STXBP5L: variants seen among roughly 807,000 people sequenced by gnomAD.
STXBP5L encodes syntaxin-binding protein 5-like.
Under a neutral mutation model 144.5 loss-of-function variants are expected in STXBP5L, and 65 were observed. That is an observed-to-expected ratio of 0.45 (90% CI 0.37 to 0.55). The LOEUF is 0.55. Among genes scored for constraint, STXBP5L ranks in the 20% least tolerant of loss-of-function variants. STXBP5L has a pLI of 0.00. For missense variants in STXBP5L, 1,298 were observed against 1,405.5 expected, an observed-to-expected ratio of 0.92 and a Z score of 1.22; for synonymous variants, 505 against 469.6, an observed-to-expected ratio of 1.08 and a Z score of -0.97.
At chr3:121,330,504 A>G (rs1189616109) in intron 20 of STXBP5L, among the ~76,000 whole-genome samples, 1 of 152,186 alleles carries the variant, frequency 6.6e-6, no homozygotes, top group Non-Finnish European at 1.5e-5. Flanking sequence ...AACACAAAGG[A>G]CAGAAACTTT....
chr3:121,264,257 A>C (rs1398305971), intron 18 of STXBP5L, among the ~76,000 whole-genome samples: 2 of 152,216 alleles, frequency 1.3e-5, no homozygotes, highest in African/African-American at 4.8e-5. Context: ...AGACAAGCAA[A>C]TGCTGAGAGA....
intron 7 of STXBP5L, among the ~76,000 whole-genome samples, chr3:121,150,690 T>C (rs1411660575): frequency 2.6e-5 from 4 of 152,236 alleles, no homozygotes; most frequent in African/African-American, 9.6e-5. Context: ...TTTAGAAAGA[T>C]TATATTATTC....
intron 5 of STXBP5L, among the ~76,000 whole-genome samples, chr3:121,055,485 A>T (rs896840315): frequency 6.6e-5 from 10 of 152,090 alleles, no homozygotes; most frequent in African/African-American, 2.4e-4. Flanking sequence ...GTTAAGTAAT[A>T]GGCTTTCATT....
chr3:121,031,389 T>C (rs1946359225), intron 3 of STXBP5L, among the ~76,000 whole-genome samples: 1 of 114,138 alleles, frequency 8.8e-6, no homozygotes, highest in Non-Finnish European at 1.9e-5. Flanking sequence ...TATATTTCTA[T>C]TTCTGTCTAT....
At chr3:121,371,220 T>C (rs897125609) in intron 20 of STXBP5L, among the ~76,000 whole-genome samples, 1 of 152,194 alleles carries the variant, frequency 6.6e-6, no homozygotes, top group Admixed American at 6.5e-5. Context: ...GGGGGTTTGA[T>C]TGTGGTATAA....
At chr3:121,407,788 G>T in intron 23 of STXBP5L, 185 bp downstream of exon 23, 11 of 840,400 alleles carry the variant, frequency 1.3e-5, no homozygotes, top group Non-Finnish European at 1.7e-5. Flanking sequence ...GTTTTGTTTT[G>T]GTTTTTCTTT....
At chr3:121,024,046 C>T (rs1560016544) in intron 3 of STXBP5L, among the ~76,000 whole-genome samples, 1 of 152,052 alleles carries the variant, frequency 6.6e-6, no homozygotes, top group South Asian at 2.1e-4. Flanking sequence ...GCATGAGCCA[C>T]CGTGCCTGGC....
intron 7 of STXBP5L, among the ~76,000 whole-genome samples, chr3:121,136,913 G>A (rs968266266): frequency 2.8e-4 from 42 of 152,110 alleles, no homozygotes; most frequent in African/African-American, 9.7e-4. Context: ...TAAAAATGAG[G>A]TCATGGCCTT....
intron 3 of STXBP5L, among the ~76,000 whole-genome samples, chr3:120,980,894 C>A (rs985459606): frequency 4.6e-5 from 7 of 151,992 alleles, no homozygotes; most frequent in Non-Finnish European, 1.0e-4. Flanking sequence ...TATAGCTGGT[C>A]TAGTAGTGAT....
At chr3:121,106,561 C>A in intron 5 of STXBP5L, among the ~76,000 whole-genome samples, 2 of 152,212 alleles carry the variant, frequency 1.3e-5, no homozygotes, top group East Asian at 1.9e-4. Context: ...CTTGTCCCTG[C>A]AAAGATCATG....
At position 121,134,099 on chromosome 3, in the gene STXBP5L, G is replaced by T. The variant is rs1458985293; in HGVS notation, c.669+12395G>T. 4.6e-5 allele frequency among the ~76,000 whole-genome samples: 7 copies of T among 152,084 alleles called. No homozygotes were observed. The East Asian group carries it at 1.4e-3, about 29-fold the overall frequency. Reference sequence around the variant, plus strand: ...AAACTGAGAAATTCATAAAGAAAAGGAATTTATTTATTACATTTATGAAGG... The same window carrying T: ...AAACTGAGAAATTCATAAAGAAAAGTAATTTATTTATTACATTTATGAAGG... On this transcript the variant is annotated intron_variant, in intron 7 of 26. Coordinates refer to ENST00000471454, the MANE Select transcript of STXBP5L (RefSeq NM_001308330.2).
At chr3:120,974,924 C>T (rs1284443521) in intron 3 of STXBP5L, among the ~76,000 whole-genome samples, 2 of 152,240 alleles carry the variant, frequency 1.3e-5, no homozygotes, top group East Asian at 1.9e-4. Context: ...GTACCAGTAC[C>T]ATGCTGTTTT....
intron 3 of STXBP5L, among the ~76,000 whole-genome samples, chr3:121,024,333 A>G (rs61798654): frequency 0.043 from 6,491 of 152,268 alleles, 208 homozygotes; most frequent in Non-Finnish European, 0.062. Flanking sequence ...CTCATATGCC[A>G]TTAGGGAATT....
intron 5 of STXBP5L, among the ~76,000 whole-genome samples, chr3:121,065,156 G>A (rs2041482356): frequency 6.6e-6 from 1 of 151,950 alleles, no homozygotes; most frequent in East Asian, 1.9e-4. Flanking sequence ...GGGCACTTGG[G>A]TTGATTCCAT....
At chr3:121,222,667 G>A (rs1038681537) in intron 10 of STXBP5L, among the ~76,000 whole-genome samples, 1 of 152,144 alleles carries the variant, frequency 6.6e-6, no homozygotes, top group East Asian at 1.9e-4. Context: ...CAATGATAGT[G>A]ATTTAGAGTT....
intron 9 of STXBP5L, chr3:121,157,893 T>C (rs1433332938): frequency 5.6e-6 from 2 of 356,832 alleles, no homozygotes; most frequent in Non-Finnish European, 5.0e-6. Flanking sequence ...ATGGTTGATA[T>C]ATCTGGGGCA....
At chr3:121,200,990 C>T (rs777370154) in intron 9 of STXBP5L, among the ~76,000 whole-genome samples, 1 of 152,178 alleles carries the variant, frequency 6.6e-6, no homozygotes, top group Non-Finnish European at 1.5e-5. Flanking sequence ...CTGCAGATGT[C>T]TATTAGGTCT....
At chr3:121,315,159 C>G (rs1429828977) in intron 19 of STXBP5L, among the ~76,000 whole-genome samples, 1 of 152,098 alleles carries the variant, frequency 6.6e-6, no homozygotes, top group African/African-American at 2.4e-5. Flanking sequence ...GATTATAAAT[C>G]ATGCTGCTAT....
At chr3:120,953,325 CT>C (rs397875191) in intron 2 of STXBP5L, among the ~76,000 whole-genome samples, 19,936 of 105,412 alleles carry the variant, frequency 0.19, 1,233 homozygotes, top group Non-Finnish European at 0.21. Context: ...TCACAATTGA[CT>C]TTTTTTTTTT....
Sources: allele counts gnomAD v4.1 joint callset (sites outside exome capture counted in the v4.1 genomes callset), GRCh38; gene constraint gnomAD v4.1.1; transcripts MANE v1.5; gene names NCBI Gene and HGNC (gene_info 2026-07-23, HGNC 2026-07-21).